The following KL variants were observed in gnomAD, a reference collection of about 807,000 sequenced individuals.
KL encodes the protein klotho.
KL carries 62 observed loss-of-function variants against 84.2 expected under a neutral mutation model. The observed-to-expected ratio is 0.74, with a 90% CI of 0.60 to 0.91. The LOEUF (loss-of-function observed/expected upper bound fraction) is 0.91. Among genes scored for constraint, KL ranks in the 40% least tolerant of loss-of-function variants. KL has a pLI of 0.00. For synonymous variants in KL, 528 were observed against 528.0 expected, an observed-to-expected ratio of 1.00 and a Z score of 0.00; for missense variants, 1,261 against 1,305.7, an observed-to-expected ratio of 0.97 and a Z score of 0.53.
chr13:33,045,626 G>C (rs1050348710), intron 1 of KL, among the ~76,000 whole-genome samples: 3 of 151,980 alleles, frequency 2.0e-5, no homozygotes, highest in Admixed American at 2.0e-4. Flanking sequence ...GATTACAGGT[G>C]CCTGCCACCA....
In KL at chr13:33,016,594, G is replaced by T; in HGVS notation, c.154G>T (p.Glu52Ter). ...CCGTTTCTCGCGGCCTCCTGCCCCC[G>T]AGGCCGCGGGCCTCTTCCAGGGCAC... is the stretch of plus-strand genomic sequence containing the variant. Reference protein sequence around the residue: ...WARFSRPPAPEAAGLFQGTFP... With the variant: ...WARFSRPPAP Residue 52 changes from glutamate to a stop codon, truncating the protein, a stop_gained, in exon 1 of 5, where the codon GAG (glutamate) becomes TAG (stop). Transcript: ENST00000380099. LOFTEE classifies it high-confidence loss of function. 1 of 1,502,470 alleles carries T rather than the reference G, an allele frequency of 6.7e-7. No homozygotes were observed. The highest frequency in any genetic ancestry group is 2.2e-5 in the Admixed American group (1 of 44,580). 93.1% of individuals were successfully genotyped at this position (1,502,470 alleles called of 1,614,324 possible).
chr13:33,058,587 A>C (rs1449012400), intron 3 of KL, among the ~76,000 whole-genome samples: 6 of 151,840 alleles, frequency 4.0e-5, no homozygotes, highest in Admixed American at 6.6e-5. Flanking sequence ...GGATCCACCC[A>C]CCTCGGCCTC....
Position 33,034,074 on chromosome 13 carries a change from T to C in KL, c.819+16815T>C, listed in dbSNP as rs897614128. Among the ~76,000 whole-genome samples, 9 of 152,294 alleles carry C rather than the reference T, an allele frequency of 5.9e-5. No homozygotes were observed. In the South Asian group the frequency reaches 1.2e-3, roughly 21 times the overall value. The stretch of plus-strand genomic sequence containing the variant: ...GTACACTGTAGAGCCAAGAGGCTTA[T>C]AGAGTGTTAATTAACACCCCTTGTC... On this transcript the variant is annotated intron_variant, in intron 1 of 4. Coordinates refer to ENST00000380099, the MANE Select transcript of KL (RefSeq NM_004795.4).
At chr13:33,056,297 T>C (rs1871954076) in intron 3 of KL, among the ~76,000 whole-genome samples, 1 of 152,220 alleles carries the variant, frequency 6.6e-6, no homozygotes, top group South Asian at 2.1e-4. Context: ...GGTAGCCAAT[T>C]AATTGGTTCT....
chr13:33,029,505 G>A (rs149927762), intron 1 of KL, among the ~76,000 whole-genome samples: 38 of 152,284 alleles, frequency 2.5e-4, no homozygotes, highest in African/African-American at 5.3e-4. Flanking sequence ...CCCTAAGAAT[G>A]TCACAAAAAT....
intron 1 of KL, among the ~76,000 whole-genome samples, chr13:33,033,902 A>G (rs1355636417): frequency 1.3e-5 from 2 of 149,744 alleles, no homozygotes; most frequent in African/African-American, 5.1e-5. Flanking sequence ...AAAGATAAAA[A>G]CAGACAAACA....
chr13:33,061,243 C>A lies in KL; in HGVS notation c.2164C>A (p.Gln722Lys), dbSNP rs746048781. 1 of 1,614,218 alleles carries A rather than the reference C, an allele frequency of 6.2e-7. No individual in the cohort carries two copies. Among genetic ancestry groups the A allele is most frequent in the South Asian group, 1.1e-5 (1 of 91,084 alleles). The change falls in exon 4 of 5, where the codon CAG becomes AAG. Residue 722 changes from glutamine (Q) to lysine (K), a missense_variant. Coordinates refer to ENST00000380099, the MANE Select transcript of KL (RefSeq NM_004795.4). The part of the protein sequence containing the change: ...HVYNEKFRHA[Q>K]NGKISIALQA... ...GTACAATGAAAAGTTTAGGCATGCT[C>A]AGAATGGGAAAATATCCATAGCCTT...
intron 3 of KL, among the ~76,000 whole-genome samples, chr13:33,055,724 C>T (rs994433477): frequency 6.6e-6 from 1 of 152,172 alleles, no homozygotes; most frequent in Non-Finnish European, 1.5e-5. Context: ...TAGGCAGAGT[C>T]CTCCAGAGGC....
chr13:33,018,799 A>G (rs1027529145), intron 1 of KL, among the ~76,000 whole-genome samples: 5 of 152,192 alleles, frequency 3.3e-5, no homozygotes, highest in African/African-American at 1.2e-4. Context: ...TTTACTTTAG[A>G]TTTAAATCCT....
Position 33,061,178 on chromosome 13 carries a change from G to T in KL, c.2099G>T (p.Gly700Val), listed in dbSNP as rs1258454538. ...ACAAGGAATATGACATACAGTGCTG[G>T]CCACAACCTTCTGAAGGCCCATGCC... ...PYTRNMTYSA[G>V]HNLLKAHALA... The change falls in exon 4 of 5, where the codon GGC becomes GTC. Residue 700 changes from glycine to valine, a missense_variant. Physicochemically the swap from Gly to Val is moderately radical, Grantham distance 109. Transcript: ENST00000380099. 6.2e-7 allele frequency: 1 copy of T among 1,614,254 alleles called. No individual in the cohort carries two copies. Among genetic ancestry groups the T allele is most frequent in the Non-Finnish European group, 8.5e-7 (1 of 1,180,048 alleles).
chr13:33,017,885 A>G (rs887208845), intron 1 of KL, among the ~76,000 whole-genome samples: 5 of 152,242 alleles, frequency 3.3e-5, no homozygotes, highest in African/African-American at 1.2e-4. Context: ...CTAGTCATAG[A>G]AACACAGAAA....
At chr13:33,050,886 A>T (rs1444181331) in intron 1 of KL, among the ~76,000 whole-genome samples, 1 of 152,228 alleles carries the variant, frequency 6.6e-6, no homozygotes, top group Non-Finnish European at 1.5e-5. Context: ...GGGACAATAG[A>T]TGTCATTCCC....
chr13:33,037,050 A>G (rs1295504640), intron 1 of KL, among the ~76,000 whole-genome samples: 1 of 152,194 alleles, frequency 6.6e-6, no homozygotes, highest in African/African-American at 2.4e-5. Context: ...TATGATACTG[A>G]ATATACTAAT....
chr13:33,023,789 T>G (rs760351991), intron 1 of KL, among the ~76,000 whole-genome samples: 6 of 152,238 alleles, frequency 3.9e-5, no homozygotes, highest in Non-Finnish European at 7.3e-5. Flanking sequence ...AAAGCAGTGA[T>G]GTACATTAAT....
Position 33,064,843 on chromosome 13 carries a change from A to G in KL, c.*657A>G, listed in dbSNP as rs1303456872. ...ATATGATTTTTGAGGTCCTGTCTAA[A>G]CCCTGTGTCCCTGAGGGATCTGTCT... On this transcript the variant is annotated 3_prime_UTR_variant, in exon 5 of 5. Coordinates refer to ENST00000380099, the MANE Select transcript of KL (RefSeq NM_004795.4). 4.4e-6 allele frequency: 1 copy of G among 228,036 alleles called. No homozygotes were observed. The highest frequency in any genetic ancestry group is 2.2e-5 in the African/African-American group (1 of 45,048). 14.1% of individuals were successfully genotyped at this position (228,036 alleles called of 1,614,324 possible).
chr13:33,028,722 CAA>C (rs1433495964), intron 1 of KL, among the ~76,000 whole-genome samples: 67 of 152,260 alleles, frequency 4.4e-4, no homozygotes, highest in Non-Finnish European at 9.0e-4. Flanking sequence ...AAAAGCAATG[CAA>C]TTATGAACTT....
At chr13:33,042,231 T>C (rs959466185) in intron 1 of KL, among the ~76,000 whole-genome samples, 4 of 152,208 alleles carry the variant, frequency 2.6e-5, no homozygotes, top group African/African-American at 7.2e-5. Context: ...TTTATTAATC[T>C]ATAGATCTTT....
Position 33,061,333 on chromosome 13 carries a change from G to A in KL, c.2254G>A (p.Val752Ile). 1.2e-6 allele frequency: 2 copies of A among 1,614,192 alleles called. No individual in the cohort carries two copies. The highest frequency in any genetic ancestry group is 1.7e-6 in the Non-Finnish European group (2 of 1,180,036). ...AAAGGACAAAGAGGTGGCTGAGAGA[G>A]TTTTGGAATTTGACATTGGCTGGCT... ...SQKDKEVAERVLEFDIGWLAE... is the reference protein window; with the variant it reads ...SQKDKEVAERILEFDIGWLAE... The change falls in exon 4 of 5, where the codon GTT becomes ATT. Residue 752 changes from valine (V) to isoleucine (I), a missense_variant. Coordinates refer to ENST00000380099, the MANE Select transcript of KL (RefSeq NM_004795.4).
chr13:33,025,462 G>A (rs951313099), intron 1 of KL, among the ~76,000 whole-genome samples: 1 of 152,104 alleles, frequency 6.6e-6, no homozygotes, highest in Admixed American at 6.5e-5. Flanking sequence ...TGGCTTGCTG[G>A]GCACACAAAG....
Sources: allele counts gnomAD v4.1 joint callset (sites outside exome capture counted in the v4.1 genomes callset), GRCh38; gene constraint gnomAD v4.1.1; transcripts MANE v1.5; gene names NCBI Gene and HGNC (gene_info 2026-07-23, HGNC 2026-07-21).